The following TTC38 variants were observed in gnomAD, a reference collection of about 807,000 sequenced individuals.
The protein encoded by TTC38 is tetratricopeptide repeat domain 38.
A neutral mutation model predicts 64.2 loss-of-function variants in TTC38; 64 were observed. The ratio of observed to expected loss-of-function variants is 1.00; its 90% CI spans 0.81 to 1.23. The LOEUF (loss-of-function observed/expected upper bound fraction) is 1.23. Ranked by LOEUF, TTC38 falls within the 50% of genes most tolerant of loss-of-function variation. The pLI, the probability that TTC38 is intolerant of heterozygous loss-of-function variation, is 0.00. For synonymous variants in TTC38, 254 were observed against 249.3 expected, an observed-to-expected ratio of 1.02 and a Z score of -0.18; for missense variants, 573 against 615.5, an observed-to-expected ratio of 0.93 and a Z score of 0.73.
At position 46,289,726 on chromosome 22, in the gene TTC38, C is replaced by T. The variant is rs574501264; in HGVS notation, c.1243-100C>T. The T allele has an allele frequency of 6.3e-5, 94 of 1,484,524 alleles. No homozygotes were observed. In the South Asian group the frequency reaches 1.0e-3, roughly 16 times the overall value. 92.0% of individuals were successfully genotyped at this position (1,484,524 alleles called of 1,614,324 possible). A position where few individuals can be genotyped will look rare whatever the true frequency, so the allele number is the denominator to read the frequency against. On this transcript the variant is annotated intron_variant, in intron 12 of 13. Coordinates refer to ENST00000381031, the MANE Select transcript of TTC38 (RefSeq NM_017931.4). ...TTCGTCGTTGAGGGTGTGGCATCAA[C>T]ACCACTGTCTCCCTGGAGAGCAGGC...
chr22:46,271,512 CT>C lies in TTC38; in HGVS notation c.112-814del, dbSNP rs1163211012. Among the ~76,000 whole-genome samples, 7 of 150,398 alleles carry C rather than the reference CT, an allele frequency of 4.7e-5. No homozygotes were observed. The highest frequency in any genetic ancestry group is 3.4e-3 in the Middle Eastern group (1 of 290). On this transcript the variant is annotated intron_variant, in intron 2 of 13. Transcript: ENST00000381031. The surrounding 1 kb of genome is among the most constrained non-coding windows in gnomAD (Gnocchi z 5.5). Reference sequence around the variant, plus strand: ...ACAGGCATGAGCCACCACACCTGGCCTTTTTTTTTCCTTTTCTCTGTCACCC... The same window carrying C: ...ACAGGCATGAGCCACCACACCTGGCCTTTTTTTTCCTTTTCTCTGTCACCC...
chr22:46,277,628 AAG>A (rs1569018630), intron 5 of TTC38, among the ~76,000 whole-genome samples: 2 of 142,322 alleles, frequency 1.4e-5, no homozygotes, highest in African/African-American at 5.4e-5. Flanking sequence ...AAAAAAAAAA[AAG>A]AGAGAGATTG....
At chr22:46,268,375 A>G in intron 1 of TTC38, 139 bp from the exon 2 acceptor site, 2 of 924,008 alleles carry the variant, frequency 2.2e-6, no homozygotes, top group Admixed American at 4.9e-5. Context: ...GCTCCTTGGA[A>G]CCGGCCCAGG....
In TTC38 at chr22:46,281,593, G is replaced by C; in HGVS notation, c.616-6G>C. 6.2e-7 allele frequency: 1 copy of C among 1,613,858 alleles called. No individual in the cohort carries two copies. Among genetic ancestry groups the C allele is most frequent in the Non-Finnish European group, 8.5e-7 (1 of 1,179,982 alleles). ...TCTGGAATCCTCTTCCCCGCACCCT[G>C]CGTAGGCTTTATCTATTAACCCGAC... On this transcript the variant is annotated splice_polypyrimidine_tract_variant and splice_region_variant and intron_variant, in intron 6 of 13. Transcript: ENST00000381031. This position sits in a 1 kb window ranked among gnomAD's most constrained non-coding sequence, Gnocchi z 5.2.
Position 46,273,829 on chromosome 22 carries a change from T to C in TTC38, c.194-69T>C. 6.5e-7 allele frequency: 1 copy of C among 1,535,896 alleles called. No homozygotes were observed. Among genetic ancestry groups the C allele is most frequent in the Non-Finnish European group, 8.9e-7 (1 of 1,118,140 alleles). ...GGACGTGGGGTGTCTCTGTGACATG[T>C]GGAGTCTGGGCTGGGATGGGCTGAG... On this transcript the variant is annotated intron_variant, in intron 3 of 13. Coordinates refer to ENST00000381031, the MANE Select transcript of TTC38 (RefSeq NM_017931.4). The surrounding 1 kb of genome is among the most constrained non-coding windows in gnomAD (Gnocchi z 5.1).
At chr22:46,277,779 G>C (rs575757098) in intron 5 of TTC38, among the ~76,000 whole-genome samples, 2 of 152,308 alleles carry the variant, frequency 1.3e-5, no homozygotes, top group African/African-American at 4.8e-5. Flanking sequence ...GTGCATTCCA[G>C]GCCGGGCAGG....
rs2077545189 is a variant in TTC38 at position 46,282,937 on chromosome 22, G to A, written c.736-1036G>A. Among the ~76,000 whole-genome samples the A allele has an allele frequency of 6.6e-6, 1 of 150,668 alleles. No individual in the cohort carries two copies. The highest frequency in any genetic ancestry group is 6.6e-5 in the Admixed American group (1 of 15,038). ...TTGATCTCTGCAGGTTTTTGTTTTT[G>A]TTTTTTTTTGAGACAAGTTCTCTCT... On this transcript the variant is annotated intron_variant, in intron 7 of 13. Transcript: ENST00000381031. This position sits in a 1 kb window ranked among gnomAD's most constrained non-coding sequence, Gnocchi z 4.4.
In TTC38 at chr22:46,293,077, C is replaced by T. The variant is rs1020984623; in HGVS notation, c.*193C>T. ...TGATTCCGAATCTCCTTTCAGTCCT[C>T]GAGAAGGGCCAATGAGCATTTTTCA... is the stretch of plus-strand genomic sequence containing the variant. On this transcript the variant is annotated 3_prime_UTR_variant, in exon 14 of 14. Coordinates refer to ENST00000381031, the MANE Select transcript of TTC38 (RefSeq NM_017931.4). This position sits in a 1 kb window ranked among gnomAD's most constrained non-coding sequence, Gnocchi z 6.6. 6 of 568,822 alleles carry T rather than the reference C, an allele frequency of 1.1e-5. No homozygotes were observed. Among genetic ancestry groups the T allele is most frequent in the South Asian group, 2.1e-5 (1 of 48,128 alleles). 35.2% of individuals were successfully genotyped at this position (568,822 alleles called of 1,614,324 possible).
rs1448728967 is a variant in TTC38 at position 46,270,977 on chromosome 22, A to T, written c.112-1358A>T. Among the ~76,000 whole-genome samples, 1 of 149,574 alleles carries T rather than the reference A, an allele frequency of 6.7e-6. No individual in the cohort carries two copies. The highest frequency in any genetic ancestry group is 6.7e-5 in the Admixed American group (1 of 15,010). On this transcript the variant is annotated intron_variant, in intron 2 of 13. Transcript: ENST00000381031. This position sits in a 1 kb window ranked among gnomAD's most constrained non-coding sequence, Gnocchi z 4.7. ...CAGTGAGCCAAGATCGTGCCATTGCACTCCAGCCTGGGTGACAGGGCAAGA... is the reference window on the plus strand; with the variant it reads ...CAGTGAGCCAAGATCGTGCCATTGCTCTCCAGCCTGGGTGACAGGGCAAGA...
intron 5 of TTC38, among the ~76,000 whole-genome samples, chr22:46,277,753 C>T (rs1046113857): frequency 6.6e-6 from 1 of 152,154 alleles, no homozygotes; most frequent in Non-Finnish European, 1.5e-5. Context: ...CTGGGGAGGA[C>T]CCGGCCATTC....
rs1936992863 is a variant in TTC38 at position 46,275,653 on chromosome 22, T to A, written c.539+232T>A. Among the ~76,000 whole-genome samples the A allele has an allele frequency of 6.6e-6, 1 of 152,180 alleles. No homozygotes were observed. The highest frequency in any genetic ancestry group is 2.1e-4 in the South Asian group (1 of 4,838). On this transcript the variant is annotated intron_variant, in intron 5 of 13. Transcript: ENST00000381031. This position sits in a 1 kb window ranked among gnomAD's most constrained non-coding sequence, Gnocchi z 4.5. ...CATGGGATTGTTTTTGCTGCAGTAA[T>A]AAACATCCCCTGGTTCTTCTTCCCC...
intron 5 of TTC38, among the ~76,000 whole-genome samples, chr22:46,277,760 A>G (rs1393676447): frequency 2.0e-5 from 3 of 152,214 alleles, no homozygotes; most frequent in Non-Finnish European, 4.4e-5. Flanking sequence ...GGACCCGGCC[A>G]TTCACTGAGT....
At chr22:46,278,476 C>A in intron 5 of TTC38, 110 bp from the exon 6 acceptor site, 2 of 902,838 alleles carry the variant, frequency 2.2e-6, no homozygotes, top group South Asian at 1.4e-5. Flanking sequence ...CAAAAAAGGT[C>A]ACATTCCCAG....
rs977474266 is a variant in TTC38 at position 46,282,937 on chromosome 22, G to GTTTTTT, written c.736-1032_736-1027dup. Among the ~76,000 whole-genome samples, 3 of 150,668 alleles carry GTTTTTT rather than the reference G, an allele frequency of 2.0e-5. No homozygotes were observed. The Admixed American group carries it at 2.0e-4, about 10-fold the overall frequency. ...TTGATCTCTGCAGGTTTTTGTTTTTGTTTTTTTTTGAGACAAGTTCTCTCT... is the reference window on the plus strand; with the variant it reads ...TTGATCTCTGCAGGTTTTTGTTTTTGTTTTTTTTTTTTTTTGAGACAAGTTCTCTCT... On this transcript the variant is annotated intron_variant, in intron 7 of 13. Transcript: ENST00000381031. The surrounding 1 kb of genome is among the most constrained non-coding windows in gnomAD (Gnocchi z 4.4).
In TTC38 at chr22:46,292,217, T is replaced by A. The variant is rs1476515645; in HGVS notation, c.1317-574T>A. ...TATATTTTTAGAGGCAAGGTCTCAC[T>A]CGGTCATCCAGGTTGGAATGCAGTG... On this transcript the variant is annotated intron_variant, in intron 13 of 13. Transcript: ENST00000381031. This position sits in a 1 kb window ranked among gnomAD's most constrained non-coding sequence, Gnocchi z 6.5. 2.2e-6 allele frequency: 1 copy of A among 447,648 alleles called. No homozygotes were observed. Among genetic ancestry groups the A allele is most frequent in the Non-Finnish European group, 4.4e-6 (1 of 224,968 alleles). The allele number at this position is 447,648 out of a possible 1,614,324, so 27.7% of individuals were successfully genotyped here.
At chr22:46,285,056 G>T (rs1489619975) in intron 8 of TTC38, among the ~76,000 whole-genome samples, 185 bp from the exon 9 acceptor site, 1 of 152,012 alleles carries the variant, frequency 6.6e-6, no homozygotes, top group African/African-American at 2.4e-5. Flanking sequence ...CAAAGCCCCG[G>T]TTGGAAGCGG....
chr22:46,285,276 C>A lies in TTC38; in HGVS notation c.831C>A (p.Thr277=), dbSNP rs34834410. 6.2e-7 allele frequency: 1 copy of A among 1,614,096 alleles called. No individual in the cohort carries two copies. Among genetic ancestry groups the A allele is most frequent in the African/African-American group, 1.3e-5 (1 of 75,016 alleles). ...AGGCCGCGCTGACCATCTACGATAC[C>A]CACGTAAGTTGCATTCACACCGTGT... ...EYEAALTIYD[T]HILPSLQAND... is the part of the protein sequence containing the mutation. Residue 277 remains threonine, a synonymous_variant, in exon 9 of 14, where the codon ACC becomes ACA. Coordinates refer to ENST00000381031, the MANE Select transcript of TTC38 (RefSeq NM_017931.4).
At position 46,292,422 on chromosome 22, in the gene TTC38, T is replaced by C; in HGVS notation, c.1317-369T>C. 9.7e-6 allele frequency: 3 copies of C among 308,010 alleles called. No homozygotes were observed. The South Asian group carries it at 9.8e-5, about 10-fold the overall frequency. The allele number at this position is 308,010 out of a possible 1,614,324, so 19.1% of individuals were successfully genotyped here. On this transcript the variant is annotated intron_variant, in intron 13 of 13. Transcript: ENST00000381031. This position sits in a 1 kb window ranked among gnomAD's most constrained non-coding sequence, Gnocchi z 6.5. ...CTTAATCACCTCCAAGAGGCCCTGT[T>C]CTTAATACCATCACCTTGGGCATTT...
intron 8 of TTC38, among the ~76,000 whole-genome samples, chr22:46,284,498 T>G (rs2077557480): frequency 6.6e-6 from 1 of 152,164 alleles, no homozygotes; most frequent in Admixed American, 6.5e-5. Flanking sequence ...CATGAGGGCC[T>G]TGTCATGACA....
Sources: gnomAD v4.1 joint callset for allele counts (sites outside exome capture counted in the v4.1 genomes callset) on GRCh38, gnomAD v4.1.1 for gene constraint, Gnocchi (gnomAD v3.1) non-coding constraint, MANE v1.5 for transcripts, NCBI Gene and HGNC (gene_info 2026-07-23, HGNC 2026-07-21) for gene names.